The following ZNF333 variants were observed in gnomAD, a reference collection of about 807,000 sequenced individuals.
ZNF333 encodes zinc finger protein 333.
ZNF333 carries 61 observed loss-of-function variants against 76.1 expected under a neutral mutation model. The observed-to-expected ratio is 0.80, with a 90% CI of 0.65 to 0.99. ZNF333 has a LOEUF of 0.99. Among genes scored for constraint, ZNF333 ranks in the 50% least tolerant of loss-of-function variants. The probability of loss-of-function intolerance (pLI) is 0.00; values close to 1 mark genes in which losing one functional copy is unlikely to be tolerated. For synonymous variants in ZNF333, 284 were observed against 305.0 expected (o/e 0.93, Z 0.72); for missense variants, 717 against 822.4 (o/e 0.87, Z 1.57).
rs375455306 is a variant in ZNF333 at position 14,728,188 on chromosome 19, G to C, written c.901-2987G>C. ...AGATTGTGCCACTGCACTCCAGCCT[G>C]GGCGACAGAGCGAGACTCCGTCTCA... On this transcript the variant is annotated intron_variant, in intron 11 of 11. Transcript: ENST00000540689. Among the ~76,000 whole-genome samples the C allele has an allele frequency of 7.4e-4, 113 of 152,346 alleles. 2 individuals carry two copies. The highest frequency in any genetic ancestry group is 3.4e-3 in the Middle Eastern group (1 of 294).
downstream of ZNF333, among the ~76,000 whole-genome samples, chr19:14,724,439 GGTTGATTTATT>G (rs1395664632): frequency 1.3e-5 from 2 of 152,136 alleles, no homozygotes; most frequent in Non-Finnish European, 2.9e-5. Flanking sequence ...GGTCACACTT[GGTTGATTTATT>G]GGATGACATT....
At chr19:14,727,897 G>A (rs1352636559) in intron 11 of ZNF333, among the ~76,000 whole-genome samples, 2 of 152,134 alleles carry the variant, frequency 1.3e-5, no homozygotes, top group South Asian at 2.1e-4. Flanking sequence ...TCTTACCTTG[G>A]AATTCAGAGT....
chr19:14,713,275 G>A (rs991977603), intron 7 of ZNF333, among the ~76,000 whole-genome samples: 17 of 152,186 alleles, frequency 1.1e-4, no homozygotes, highest in African/African-American at 3.9e-4. Flanking sequence ...TCCTGAGCAA[G>A]TTTAAAACCC....
rs56066058 is a variant in ZNF333, at chr19:14,721,280, C to CTTTTTTTTTTTTTTTTTTTTTTTTTTTTT, written c.*1980_*1981insTTTTTTTTTTTTTTTTTTTTTTTTTTTTT. 1 of 87,862 alleles carries CTTTTTTTTTTTTTTTTTTTTTTTTTTTTT rather than the reference C, an allele frequency of 1.1e-5. No homozygotes were observed. Among genetic ancestry groups the CTTTTTTTTTTTTTTTTTTTTTTTTTTTTT allele is most frequent in the Non-Finnish European group, 2.1e-5 (1 of 47,640 alleles). 5.4% of individuals were successfully genotyped at this position (87,862 alleles called of 1,614,324 possible). ...GGACTAGTCTCCATTTTTACTTGTT[C>CTTTTTTTTTTTTTTTTTTTTTTTTTTTTT]TTTTTTTTTTTTTTTTTTTTTTTTT... On this transcript the variant is annotated 3_prime_UTR_variant, in exon 12 of 12. Transcript: ENST00000292530.
At chr19:14,733,737 C>T (rs2042701982) in exon 12 of ZNF333, 1 of 152,224 alleles carries the variant, frequency 6.6e-6, no homozygotes, top group Non-Finnish European at 1.5e-5. Flanking sequence ...CTGTCTTAAC[C>T]ATCAAGCCAC....
chr19:14,696,543 G>A (rs972748256), intron 4 of ZNF333, among the ~76,000 whole-genome samples: 5 of 152,004 alleles, frequency 3.3e-5, no homozygotes, highest in East Asian at 1.9e-4. Context: ...GGTTCTGGAG[G>A]CTGGGAAGTC....
chr19:14,729,707 A>C (rs2042655688), intron 11 of ZNF333, among the ~76,000 whole-genome samples: 1 of 152,202 alleles, frequency 6.6e-6, no homozygotes, highest in African/African-American at 2.4e-5. Context: ...ATTGTAGAGC[A>C]TGGTGACTAT....
At chr19:14,710,787 AAAAAATAAAT>A (rs1388099020) in intron 7 of ZNF333, among the ~76,000 whole-genome samples, 3 of 152,198 alleles carry the variant, frequency 2.0e-5, no homozygotes, top group Non-Finnish European at 2.9e-5. Context: ...TTAAAAAATA[AAAAAATAAAT>A]AAAAGTAAAT....
chr19:14,711,466 T>TG (rs2042273146), intron 7 of ZNF333, among the ~76,000 whole-genome samples: 2 of 152,034 alleles, frequency 1.3e-5, no homozygotes, highest in Non-Finnish European at 2.9e-5. Flanking sequence ...GGCCAGGAGT[T>TG]GGAGACCAGC....
chr19:14,699,380 A>AT, intron 5 of ZNF333, 99 bp downstream of exon 5: 1 of 1,046,918 alleles, frequency 9.6e-7, no homozygotes, highest in Non-Finnish European at 1.5e-6. Context: ...TGTTAGCAGC[A>AT]TGGGTGTCTC....
intron 4 of ZNF333, among the ~76,000 whole-genome samples, chr19:14,698,966 C>T (rs1008464480): frequency 4.8e-5 from 7 of 146,492 alleles, no homozygotes; most frequent in African/African-American, 1.8e-4. Flanking sequence ...TTTTATGCCA[C>T]TATTTCTTTT....
intron 6 of ZNF333, among the ~76,000 whole-genome samples, chr19:14,705,757 T>C (rs1210412486): frequency 6.6e-6 from 1 of 152,184 alleles, no homozygotes; most frequent in East Asian, 1.9e-4. Context: ...GCTGATCCTA[T>C]TGTGAACTGT....
rs749255572 is a variant in ZNF333, at chr19:14,695,567, A to G, written c.129A>G (p.Gly43=). Residue 43 remains glycine, a splice_region_variant and synonymous_variant, in exon 4 of 12, where the codon GGA becomes GGG. Transcript: ENST00000292530. ...GCCTGTGTCTTTCTTCATGTGCAGG[A>G]ACTCCACCATGCAAACCCAGTTGTG... is the stretch of plus-strand genomic sequence containing the variant. ...LDQCRTLASR[G]TPPCKPSCVS... 1 of 1,614,078 alleles carries G rather than the reference A, an allele frequency of 6.2e-7. No homozygotes were observed. Among genetic ancestry groups the G allele is most frequent in the Non-Finnish European group, 8.5e-7 (1 of 1,179,954 alleles).
chr19:14,728,146 G>C (rs2042645435), intron 11 of ZNF333, among the ~76,000 whole-genome samples: 1 of 152,234 alleles, frequency 6.6e-6, no homozygotes, highest in Non-Finnish European at 1.5e-5. Flanking sequence ...CTGGGAAGCG[G>C]AGCTTGCAGT....
exon 12 of ZNF333, chr19:14,731,433 T>C: frequency 1.8e-6 from 1 of 551,070 alleles, no homozygotes; most frequent in Non-Finnish European, 3.2e-6. Context: ...GCAAGGAGAC[T>C]AAGGCCTGTG....
chr19:14,709,800 C>A (rs1428769973), intron 7 of ZNF333, among the ~76,000 whole-genome samples: 1 of 152,256 alleles, frequency 6.6e-6, no homozygotes, highest in Non-Finnish European at 1.5e-5. Context: ...TCTCAAACTT[C>A]CAGCATCCAG....
chr19:14,713,049 TTCATC>T (rs2042323202), intron 7 of ZNF333, among the ~76,000 whole-genome samples: 1 of 152,104 alleles, frequency 6.6e-6, no homozygotes, highest in African/African-American at 2.4e-5. Flanking sequence ...AACTCAAAGT[TTCATC>T]TCATCTGATG....
chr19:14,722,979 G>C (rs556905783), downstream of ZNF333, among the ~76,000 whole-genome samples: 120 of 152,096 alleles, frequency 7.9e-4, no homozygotes, highest in African/African-American at 2.8e-3. Flanking sequence ...GTAGAGATGG[G>C]GTTTCACCAT....
chr19:14,692,361 C>T (rs546823114), intron 1 of ZNF333, among the ~76,000 whole-genome samples: 2 of 152,226 alleles, frequency 1.3e-5, no homozygotes, highest in South Asian at 4.1e-4. Flanking sequence ...TCCAGATGTA[C>T]AGTCTTTCAG....
Sources: allele counts gnomAD v4.1 joint callset (sites outside exome capture counted in the v4.1 genomes callset), GRCh38; gene constraint gnomAD v4.1.1; transcripts MANE v1.5; gene names NCBI Gene and HGNC (gene_info 2026-07-23, HGNC 2026-07-21).